BMPR1B: variants seen among roughly 807,000 people sequenced by gnomAD.
BMPR1B encodes the protein bone morphogenetic protein receptor type 1B, also known as bone morphogenetic protein receptor type-1B.
In BMPR1B, 12 loss-of-function variants were observed where a neutral mutation model predicts 59.1. The observed-to-expected ratio is 0.20, with a 90% confidence interval of 0.13 to 0.33. The LOEUF is 0.33. Among genes scored for constraint, BMPR1B ranks in the 10% least tolerant of loss-of-function variants. The pLI, the probability that BMPR1B is intolerant of heterozygous loss-of-function variation, is 1.00. For missense variants in BMPR1B, 550 were observed against 610.9 expected, an observed-to-expected ratio of 0.90 and a Z score of 1.05; for synonymous variants, 237 against 207.3, an observed-to-expected ratio of 1.14 and a Z score of -1.23.
chr4:94,975,164 T>C, intron 2 of BMPR1B, among the ~76,000 whole-genome samples: 1 of 152,074 alleles, frequency 6.6e-6, no homozygotes, highest in Non-Finnish European at 1.5e-5. Flanking sequence ...AGGAGGGGCA[T>C]GTGTCCTCAG....
chr4:95,062,048 G>C (rs1468823205), intron 3 of BMPR1B, among the ~76,000 whole-genome samples: 1 of 152,136 alleles, frequency 6.6e-6, no homozygotes, highest in African/African-American at 2.4e-5. Flanking sequence ...GTAATTGTGA[G>C]TTTCCTGAGG....
At chr4:95,137,454 T>C (rs1733883271) in intron 10 of BMPR1B, among the ~76,000 whole-genome samples, 1 of 152,222 alleles carries the variant, frequency 6.6e-6, no homozygotes, top group South Asian at 2.1e-4. Context: ...GTTCAATTCC[T>C]GGATATCCTT....
intron 3 of BMPR1B, among the ~76,000 whole-genome samples, chr4:95,015,560 A>G (rs546958605): frequency 1.3e-5 from 2 of 151,854 alleles, no homozygotes; most frequent in African/African-American, 2.4e-5. Flanking sequence ...TCATTTTTTA[A>G]TTTTTTTGTA....
intron 1 of BMPR1B, among the ~76,000 whole-genome samples, chr4:94,846,819 C>A (rs1280089794): frequency 2.1e-5 from 3 of 145,450 alleles, no homozygotes; most frequent in African/African-American, 7.9e-5. Flanking sequence ...AAAGACAAAT[C>A]TGACACCCCA....
chr4:95,148,669 C>T (rs1237973893), intron 10 of BMPR1B, 79 bp from the exon 11 acceptor site: 1 of 1,420,958 alleles, frequency 7.0e-7, no homozygotes, highest in Admixed American at 1.7e-5. Flanking sequence ...CTAACTAAAG[C>T]CATTGTTTCA....
intron 3 of BMPR1B, among the ~76,000 whole-genome samples, chr4:95,045,112 G>C (rs938599841): frequency 2.1e-4 from 32 of 152,154 alleles, no homozygotes; most frequent in African/African-American, 7.5e-4. Flanking sequence ...TGTTGGAACA[G>C]AAGTTTAATT....
intron 5 of BMPR1B, 26 bp downstream of exon 5, chr4:95,114,848 A>G: frequency 6.4e-7 from 1 of 1,553,012 alleles, no homozygotes; most frequent in Non-Finnish European, 8.9e-7. Context: ...TGATTCTGTA[A>G]CCTTTCATTG....
chr4:94,912,165 C>T (rs1056892445), intron 2 of BMPR1B, among the ~76,000 whole-genome samples: 6 of 152,022 alleles, frequency 3.9e-5, no homozygotes, highest in African/African-American at 9.7e-5. Flanking sequence ...GGGGAAAGCA[C>T]CCCCATGATT....
intron 8 of BMPR1B, among the ~76,000 whole-genome samples, chr4:95,129,284 G>C (rs1475155840): frequency 6.6e-6 from 1 of 152,146 alleles, no homozygotes; most frequent in Non-Finnish European, 1.5e-5. Context: ...AGGAGTCAGA[G>C]TTTAAACTCT....
chr4:94,805,653 A>T (rs1236329816), intron 1 of BMPR1B, among the ~76,000 whole-genome samples: 1 of 152,176 alleles, frequency 6.6e-6, no homozygotes, highest in East Asian at 1.9e-4. Context: ...TAGAAAAGTC[A>T]CAGCATAATT....
intron 2 of BMPR1B, among the ~76,000 whole-genome samples, chr4:94,936,941 C>T (rs556822963): frequency 4.7e-4 from 71 of 152,214 alleles, no homozygotes; most frequent in African/African-American, 1.6e-3. Context: ...TCTACCATTT[C>T]ATCAGCAGAA....
intron 10 of BMPR1B, among the ~76,000 whole-genome samples, chr4:95,132,992 C>T (rs1733484711): frequency 6.6e-6 from 1 of 152,180 alleles, no homozygotes; most frequent in African/African-American, 2.4e-5. Context: ...TTACCTCTTA[C>T]ATATTTTCCG....
intron 2 of BMPR1B, among the ~76,000 whole-genome samples, chr4:94,956,412 A>G (rs1190303207): frequency 6.6e-6 from 1 of 152,132 alleles, no homozygotes; most frequent in Non-Finnish European, 1.5e-5. Context: ...ATTAACAATA[A>G]CACAAAAAGA....
chr4:94,996,664 A>G (rs1722079409), intron 3 of BMPR1B, among the ~76,000 whole-genome samples: 1 of 152,202 alleles, frequency 6.6e-6, no homozygotes, highest in Non-Finnish European at 1.5e-5. Context: ...CTTTGGGATT[A>G]GAGAGAACCT....
intron 1 of BMPR1B, among the ~76,000 whole-genome samples, chr4:94,814,173 A>G (rs2110643295): frequency 6.6e-6 from 1 of 152,370 alleles, no homozygotes. Context: ...TTAGCATGAA[A>G]AAAGAATTGT....
intron 3 of BMPR1B, among the ~76,000 whole-genome samples, chr4:95,056,528 C>T (rs1726940929): frequency 1.3e-5 from 2 of 152,078 alleles, no homozygotes; most frequent in South Asian, 4.1e-4. Context: ...CTCATGGGAC[C>T]CAGCAGGCCA....
chr4:94,855,044 CA>C lies in BMPR1B; in HGVS notation c.-182-20780del, dbSNP rs539110303. 5.3e-5 allele frequency among the ~76,000 whole-genome samples: 8 copies of C among 151,880 alleles called. No homozygotes were observed. In the East Asian group the frequency reaches 1.2e-3, roughly 22 times the overall value. Reference sequence around the variant, plus strand: ...GGCACCAACCATAATAATCTAGGTGCAAAAAAATTGTAAACAAATTATCAGT... The same window carrying C: ...GGCACCAACCATAATAATCTAGGTGCAAAAAATTGTAAACAAATTATCAGT... On this transcript the variant is annotated intron_variant, in intron 1 of 12. Coordinates refer to ENST00000515059, the MANE Select transcript of BMPR1B (RefSeq NM_001203.3).
Position 95,055,774 on chromosome 4 carries a change from G to A in BMPR1B, c.-17-48634G>A, listed in dbSNP as rs6822748. On this transcript the variant is annotated intron_variant, in intron 3 of 12. Transcript: ENST00000515059. ...TATTATTTTCAAAATGCTAGCAACC[G>A]TATGCAAGTCTTATCTGTGTATAAA... 8.3e-3 allele frequency among the ~76,000 whole-genome samples: 1,259 copies of A among 152,188 alleles called. 19 individuals are homozygous for A. The highest frequency in any genetic ancestry group is 0.032 in the Admixed American group (484 of 15,292).
At chr4:94,870,600 A>G (rs1349901812) in intron 1 of BMPR1B, among the ~76,000 whole-genome samples, 1 of 152,228 alleles carries the variant, frequency 6.6e-6, no homozygotes, top group Non-Finnish European at 1.5e-5. Context: ...GAATAATAAT[A>G]AATGATTTAG....
Sources: gnomAD v4.1 joint callset for allele counts (sites outside exome capture counted in the v4.1 genomes callset) on GRCh38, gnomAD v4.1.1 for gene constraint, MANE v1.5 for transcripts, NCBI Gene and HGNC (gene_info 2026-07-23, HGNC 2026-07-21) for gene names.